LRRC3B: variants seen among roughly 807,000 people sequenced by gnomAD.
LRRC3B encodes the protein leucine rich repeat containing 3B.
In LRRC3B, 2 loss-of-function variants were observed where a neutral mutation model predicts 12.8. The ratio of observed to expected loss-of-function variants is 0.16; its 90% confidence interval spans 0.06 to 0.49. The LOEUF (loss-of-function observed/expected upper bound fraction) is 0.49. Among genes scored for constraint, LRRC3B ranks in the 20% least tolerant of loss-of-function variants. The pLI is 0.96. For synonymous variants in LRRC3B, 132 were observed against 122.0 expected, an observed-to-expected ratio of 1.08 and a Z score of -0.54; for missense variants, 189 against 319.4, an observed-to-expected ratio of 0.59 and a Z score of 3.11.
chr3:26,689,178 TA>T (rs1278945709), intron 1 of LRRC3B, among the ~76,000 whole-genome samples: 1 of 152,224 alleles, frequency 6.6e-6, no homozygotes, highest in Non-Finnish European at 1.5e-5. Flanking sequence ...TCTTTTCTTC[TA>T]AGTTGGAGAC....
chr3:26,674,371 A>T (rs1178351921), intron 1 of LRRC3B, among the ~76,000 whole-genome samples: 1 of 152,242 alleles, frequency 6.6e-6, no homozygotes, highest in East Asian at 1.9e-4. Context: ...ACTAAAAAAA[A>T]GTTTAAGCTT....
intron 1 of LRRC3B, among the ~76,000 whole-genome samples, chr3:26,698,059 G>C (rs1575173909): frequency 6.6e-6 from 1 of 152,266 alleles, no homozygotes; most frequent in African/African-American, 2.4e-5. Flanking sequence ...AGAAGACAAG[G>C]TGTAAGATGG....
intron 1 of LRRC3B, among the ~76,000 whole-genome samples, chr3:26,695,823 A>G (rs771361458): frequency 1.8e-4 from 27 of 152,200 alleles, no homozygotes; most frequent in African/African-American, 4.1e-4. Flanking sequence ...GACTGAGACA[A>G]TGGTTCTCAT....
chr3:26,638,542 G>A (rs13089883), intron 1 of LRRC3B, among the ~76,000 whole-genome samples: 67,706 of 151,984 alleles, frequency 0.45, 16,401 homozygotes, highest in Middle Eastern at 0.56. Context: ...CTGATGATGT[G>A]GAAAATAACA....
At chr3:26,669,523 C>A (rs56168015) in intron 1 of LRRC3B, among the ~76,000 whole-genome samples, 2,740 of 152,162 alleles carry the variant, frequency 0.018, 84 homozygotes, top group African/African-American at 0.063. Flanking sequence ...ACCTTTTTAA[C>A]CCCATGATAA....
chr3:26,685,505 CTCTCTCTCTCTCTCTCTCTATATATATA>C (rs1440181982), intron 1 of LRRC3B, among the ~76,000 whole-genome samples: 1 of 48,344 alleles, frequency 2.1e-5, no homozygotes, highest in Non-Finnish European at 3.9e-5. Context: ...CTCTCTCTCT[CTCTCTCTCTCTCTCTCTCTATATATATA>C]TATATATATA....
At chr3:26,649,487 T>C (rs1315677695) in intron 1 of LRRC3B, among the ~76,000 whole-genome samples, 2 of 152,218 alleles carry the variant, frequency 1.3e-5, no homozygotes, top group Non-Finnish European at 2.9e-5. Flanking sequence ...CCCAGATCCC[T>C]GTTTTCATAC....
intron 1 of LRRC3B, among the ~76,000 whole-genome samples, chr3:26,688,649 T>C (rs1270737163): frequency 6.6e-6 from 1 of 152,114 alleles, no homozygotes; most frequent in Non-Finnish European, 1.5e-5. Flanking sequence ...CCAGATCTCA[T>C]GAGAACTCAT....
chr3:26,678,736 T>C (rs970467335), intron 1 of LRRC3B, among the ~76,000 whole-genome samples: 2 of 152,270 alleles, frequency 1.3e-5, no homozygotes, highest in East Asian at 3.9e-4. Context: ...AAAATGACTT[T>C]GGGGGTTATC....
At chr3:26,681,676 A>C (rs1436423222) in intron 1 of LRRC3B, among the ~76,000 whole-genome samples, 1 of 152,242 alleles carries the variant, frequency 6.6e-6, no homozygotes, top group Non-Finnish European at 1.5e-5. Flanking sequence ...AATGTCAGCC[A>C]CTACAATTAT....
intron 1 of LRRC3B, among the ~76,000 whole-genome samples, chr3:26,679,234 G>T (rs372852304): frequency 5.9e-5 from 9 of 152,192 alleles, no homozygotes; most frequent in African/African-American, 2.2e-4. Context: ...GACCGCAACA[G>T]CCAGAGTGAT....
At chr3:26,708,357 A>C (rs1258136043) in intron 1 of LRRC3B, among the ~76,000 whole-genome samples, 4 of 152,250 alleles carry the variant, frequency 2.6e-5, no homozygotes, top group Non-Finnish European at 4.4e-5. Context: ...CAGCATCAGA[A>C]ATCACAATAA....
At chr3:26,662,794 G>A (rs529607399) in intron 1 of LRRC3B, among the ~76,000 whole-genome samples, 10 of 152,114 alleles carry the variant, frequency 6.6e-5, no homozygotes, top group South Asian at 2.1e-4. Context: ...GTCTTTTCTC[G>A]GGTTAGTGGT....
intron 1 of LRRC3B, among the ~76,000 whole-genome samples, chr3:26,664,699 G>T (rs1699563302): frequency 2.0e-5 from 3 of 152,046 alleles, no homozygotes; most frequent in African/African-American, 7.2e-5. Context: ...ATAATTTTGG[G>T]TCAGTTCTGT....
chr3:26,676,099 A>AAAAATTTAATTAT (rs1553604076), intron 1 of LRRC3B, among the ~76,000 whole-genome samples: 1 of 151,736 alleles, frequency 6.6e-6, no homozygotes, highest in Non-Finnish European at 1.5e-5. Context: ...ATTATTATTA[A>AAAAATTTAATTAT]TACTTAAAGT....
chr3:26,685,640 T>C (rs1700072161), intron 1 of LRRC3B, among the ~76,000 whole-genome samples: 1 of 45,386 alleles, frequency 2.2e-5, no homozygotes, highest in African/African-American at 1.2e-4. Flanking sequence ...TATATCTATA[T>C]ACCTCATTTT....
intron 1 of LRRC3B, among the ~76,000 whole-genome samples, chr3:26,648,856 T>C (rs1313935847): frequency 6.6e-6 from 1 of 152,220 alleles, no homozygotes; most frequent in Non-Finnish European, 1.5e-5. Flanking sequence ...GCAAATGATC[T>C]GTAATAAAGA....
At chr3:26,681,261 G>T (rs1376024016) in intron 1 of LRRC3B, among the ~76,000 whole-genome samples, 2 of 152,176 alleles carry the variant, frequency 1.3e-5, no homozygotes, top group East Asian at 1.9e-4. Flanking sequence ...TATAGGTGTT[G>T]ATTTCGTGGG....
chr3:26,658,794 T>C (rs1489671314), intron 1 of LRRC3B, among the ~76,000 whole-genome samples: 1 of 151,486 alleles, frequency 6.6e-6, no homozygotes, highest in Non-Finnish European at 1.5e-5. Flanking sequence ...TTTAGGCAGC[T>C]TCAAGTCTAA....
Sources: gnomAD v4.1 joint callset for allele counts (sites outside exome capture counted in the v4.1 genomes callset) on GRCh38, gnomAD v4.1.1 for gene constraint, MANE v1.5 for transcripts, NCBI Gene and HGNC (gene_info 2026-07-23, HGNC 2026-07-21) for gene names.